The following KLRD1 variants were observed in gnomAD, a reference collection of about 807,000 sequenced individuals.
The protein encoded by KLRD1 is natural killer cells antigen CD94.
KLRD1 carries 21 observed loss-of-function variants against 22.6 expected under a neutral mutation model. That is an observed-to-expected ratio of 0.93 (90% CI 0.66 to 1.34). The LOEUF is 1.34. Among genes scored for constraint, KLRD1 ranks in the 40% most tolerant of loss-of-function variants. The pLI is 0.00. For synonymous variants in KLRD1, 59 were observed against 71.1 expected, an observed-to-expected ratio of 0.83 and a Z score of 0.85; for missense variants, 183 against 208.6, an observed-to-expected ratio of 0.88 and a Z score of 0.76.
Position 10,324,401 on chromosome 12 carries a change from C to T in KLRD1, c.*9608C>T, listed in dbSNP as rs968794490. 6.6e-6 allele frequency: 1 copy of T among 152,030 alleles called. No individual in the cohort carries two copies. Among genetic ancestry groups the T allele is most frequent in the Non-Finnish European group, 1.5e-5 (1 of 68,066 alleles). The allele number at this position is 152,030 out of a possible 1,614,324, so 9.4% of individuals were successfully genotyped here. On this transcript the variant is annotated 3_prime_UTR_variant, in exon 6 of 6. Coordinates refer to ENST00000336164, the MANE Select transcript of KLRD1 (RefSeq NM_002262.5). The stretch of plus-strand genomic sequence containing the variant: ...TCCTCATCCTTCTCCCTCTCCCCCC[C>T]AAGTAGGCCCCAGTGTCTATTGTTT...
upstream of KLRD1, among the ~76,000 whole-genome samples, chr12:10,301,246 T>C (rs550469557): frequency 6.6e-6 from 1 of 152,296 alleles, no homozygotes; most frequent in South Asian, 2.1e-4. Flanking sequence ...CAGAAGACTT[T>C]TTTCTTTTTC....
rs1431230193 is a variant in KLRD1, at chr12:10,315,333, C to T, written c.*540C>T. 9.3e-6 allele frequency: 4 copies of T among 431,774 alleles called. No homozygotes were observed. The highest frequency in any genetic ancestry group is 1.9e-5 in the Non-Finnish European group (4 of 215,498). The allele number at this position is 431,774 out of a possible 1,614,324, so 26.7% of individuals were successfully genotyped here. A position where few individuals can be genotyped will look rare whatever the true frequency, so the allele number is the denominator to read the frequency against. ...TCAAGACAAGGTCTTGCTATGTTGCCCAGGCTGGTCTTGAACTCCTGGCCT... is the reference window on the plus strand; with the variant it reads ...TCAAGACAAGGTCTTGCTATGTTGCTCAGGCTGGTCTTGAACTCCTGGCCT... On this transcript the variant is annotated 3_prime_UTR_variant, in exon 6 of 6. Transcript: ENST00000336164.
At chr12:10,311,716 G>A in intron 4 of KLRD1, 101 bp downstream of exon 4, 1 of 1,028,820 alleles carries the variant, frequency 9.7e-7, no homozygotes, top group Non-Finnish European at 1.4e-6. Context: ...CACATAGTAA[G>A]TGGATGGTTA....
rs992772134 is a variant in KLRD1 at position 10,318,132 on chromosome 12, A to G, written c.*3339A>G. On this transcript the variant is annotated 3_prime_UTR_variant, in exon 6 of 6. Coordinates refer to ENST00000336164, the MANE Select transcript of KLRD1 (RefSeq NM_002262.5). ...ACATCTGTATTCTCATATTGCATGC[A>G]TAAGAAAGTGAGTTATTTTACAGCT... 5 of 152,220 alleles carry G rather than the reference A, an allele frequency of 3.3e-5. No individual in the cohort carries two copies. Among genetic ancestry groups the G allele is most frequent in the African/African-American group, 1.2e-4 (5 of 41,450 alleles). 9.4% of individuals were successfully genotyped at this position (152,220 alleles called of 1,614,324 possible).
At chr12:10,286,840 T>A (rs954791033) in intron 1 of KLRD1, among the ~76,000 whole-genome samples, 2 of 151,914 alleles carry the variant, frequency 1.3e-5, no homozygotes, top group East Asian at 3.9e-4. Flanking sequence ...TTTGTTCTTA[T>A]AAAGAACCTC....
chr12:10,251,325 A>G (rs950032245), intron 1 of KLRD1, among the ~76,000 whole-genome samples: 2 of 152,052 alleles, frequency 1.3e-5, no homozygotes, highest in South Asian at 2.1e-4. Flanking sequence ...GGGCTTCACC[A>G]TGTTGTCCAG....
rs1324291466 is a variant in KLRD1 at position 10,309,643 on chromosome 12, A to G, written c.118A>G (p.Ile40Val). Residue 40 changes from isoleucine (I) to valine (V), a missense_variant, in exon 3 of 6, where the codon ATT becomes GTT. By Grantham distance (29) the Ile-to-Val change is conservative. Transcript: ENST00000336164. ...LLKNSFTKLS[I>V]EPAFTPGPNI... Reference sequence around the variant, plus strand: ...TCTTATAGCTTTTACTAAACTGAGTATTGAGCCAGCATTTACTCCAGGACC... The same window carrying G: ...TCTTATAGCTTTTACTAAACTGAGTGTTGAGCCAGCATTTACTCCAGGACC... The G allele has an allele frequency of 1.9e-6, 3 of 1,613,010 alleles. No homozygotes were observed. The highest frequency in any genetic ancestry group is 1.3e-5 in the African/African-American group (1 of 74,916).
intron 1 of KLRD1, among the ~76,000 whole-genome samples, chr12:10,281,341 CTG>C (rs1949640463): frequency 6.6e-6 from 1 of 152,192 alleles, no homozygotes; most frequent in African/African-American, 2.4e-5. Flanking sequence ...CCCTCTAAAA[CTG>C]TAAGAGAATA....
chr12:10,252,017 C>T (rs575151056), intron 1 of KLRD1, among the ~76,000 whole-genome samples: 4 of 152,266 alleles, frequency 2.6e-5, no homozygotes, highest in South Asian at 2.1e-4. Flanking sequence ...CACATTTCTC[C>T]TGAATTCTGG....
chr12:10,290,150 TCCAAC>T (rs72212835), intron 1 of KLRD1, among the ~76,000 whole-genome samples: 10,793 of 152,278 alleles, frequency 0.071, 439 homozygotes, highest in East Asian at 0.17. Flanking sequence ...CAAGGCAGTT[TCCAAC>T]GCCCAAAATA....
upstream of KLRD1, among the ~76,000 whole-genome samples, chr12:10,301,221 T>A (rs1949863318): frequency 6.6e-6 from 1 of 152,390 alleles, no homozygotes; most frequent in East Asian, 1.9e-4. Context: ...TACCCTAGGA[T>A]AATGTAGGCC....
intron 1 of KLRD1, among the ~76,000 whole-genome samples, chr12:10,256,026 A>G (rs1043368944): frequency 6.6e-6 from 1 of 152,104 alleles, no homozygotes; most frequent in African/African-American, 2.4e-5. Context: ...CTATATGTTT[A>G]TAATTGTGAT....
chr12:10,276,123 T>C (rs1364634843), intron 1 of KLRD1, among the ~76,000 whole-genome samples: 1 of 152,194 alleles, frequency 6.6e-6, no homozygotes, highest in African/African-American at 2.4e-5. Context: ...CTTGTGTATG[T>C]AATTTCTTTG....
In KLRD1 at chr12:10,314,908, A is replaced by G; in HGVS notation, c.*115A>G. The G allele has an allele frequency of 2.1e-6, 2 of 971,276 alleles. No homozygotes were observed. Among genetic ancestry groups the G allele is most frequent in the South Asian group, 3.3e-5 (2 of 61,348 alleles). 60.2% of individuals were successfully genotyped at this position (971,276 alleles called of 1,614,324 possible). A position where few individuals can be genotyped will look rare whatever the true frequency, so the allele number is the denominator to read the frequency against. On this transcript the variant is annotated 3_prime_UTR_variant, in exon 6 of 6. Transcript: ENST00000336164. Reference sequence around the variant, plus strand: ...CTTCTGGAGTCTATAAAATGTTTTTAAACAGTGTCATATACAATTGTCATG... The same window carrying G: ...CTTCTGGAGTCTATAAAATGTTTTTGAACAGTGTCATATACAATTGTCATG...
Position 10,276,558 on chromosome 12 carries a change from C to T in KLRD1, c.-100-31420C>T, listed in dbSNP as rs920836882. On this transcript the variant is annotated intron_variant, in intron 1 of 5. Transcript: ENST00000544747. ...CTTTTTTTCTTTTGAATCGGAGTTT[C>T]GCTCTTGTTGCCCAGGCTGGAGTGC... is the stretch of plus-strand genomic sequence containing the variant. 1.3e-4 allele frequency among the ~76,000 whole-genome samples: 20 copies of T among 151,788 alleles called. 2 individuals carry two copies. Among genetic ancestry groups the T allele is most frequent in the Admixed American group, 7.2e-4 (11 of 15,226 alleles).
intron 1 of KLRD1, among the ~76,000 whole-genome samples, chr12:10,258,866 G>T (rs1474476788): frequency 2.6e-5 from 4 of 152,162 alleles, no homozygotes; most frequent in African/African-American, 9.7e-5. Flanking sequence ...ATATATTTAT[G>T]CTTTCCCAAA....
At chr12:10,296,655 A>C (rs1174723657) in intron 1 of KLRD1, among the ~76,000 whole-genome samples, 1 of 152,222 alleles carries the variant, frequency 6.6e-6, no homozygotes, top group Non-Finnish European at 1.5e-5. Context: ...AATAATTTAT[A>C]CTCCATGAGT....
At chr12:10,309,759 G>A in intron 3 of KLRD1, 71 bp downstream of exon 3, 3 of 1,041,734 alleles carry the variant, frequency 2.9e-6, no homozygotes, top group Non-Finnish European at 4.5e-6. Context: ...TTTTCACACA[G>A]AGAGGCATGA....
intron 1 of KLRD1, among the ~76,000 whole-genome samples, chr12:10,266,906 T>C (rs1338091879): frequency 1.3e-5 from 2 of 151,092 alleles, no homozygotes; most frequent in Non-Finnish European, 3.0e-5. Context: ...CCAGCATTTA[T>C]TACTTTCTTG....
Sources: allele counts gnomAD v4.1 joint callset (sites outside exome capture counted in the v4.1 genomes callset), GRCh38; gene constraint gnomAD v4.1.1; transcripts MANE v1.5; gene names NCBI Gene and HGNC (gene_info 2026-07-23, HGNC 2026-07-21).